KCNK4: variants seen among roughly 807,000 people sequenced by gnomAD.
The protein encoded by KCNK4 is potassium two pore domain channel subfamily K member 4.
A neutral mutation model predicts 28.8 loss-of-function variants in KCNK4; 22 were observed. That is an observed-to-expected ratio of 0.76 (90% CI 0.55 to 1.09). The LOEUF is 1.09. KCNK4 is among the 50% of genes least tolerant of loss of function. KCNK4 has a pLI of 0.00. For synonymous variants in KCNK4, 263 were observed against 252.9 expected (o/e 1.04, Z -0.38); for missense variants, 483 against 546.3 (o/e 0.88, Z 1.15).
chr11:64,292,263 T>A, intron 1 of KCNK4: 1 of 227,754 alleles, frequency 4.4e-6, no homozygotes. Context: ...CTGACAGCTG[T>A]CTCGGGGGCT....
intron 2 of KCNK4, among the ~76,000 whole-genome samples, chr11:64,294,173 G>A (rs1360381239): frequency 6.6e-6 from 1 of 152,042 alleles, no homozygotes; most frequent in South Asian, 2.1e-4. Context: ...GAGAAGGGGG[G>A]GTGCGTCAGG....
In KCNK4 at chr11:64,293,132, G is replaced by T. The variant is rs763517876; in HGVS notation, c.114G>T (p.Glu38Asp). 6.5e-7 allele frequency: 1 copy of T among 1,542,138 alleles called. No individual in the cohort carries two copies. Among genetic ancestry groups the T allele is most frequent in the South Asian group, 1.2e-5 (1 of 82,784 alleles). The change falls in exon 2 of 7, where the codon GAG becomes GAT. Residue 38 changes from glutamate to aspartate, a missense_variant. Glu to Asp is a conservative substitution (Grantham distance 45). Coordinates refer to ENST00000422670, the MANE Select transcript of KCNK4 (RefSeq NM_033310.3). ...EQPHEQQAQRELGEVREKFLR... is the reference protein window; with the variant it reads ...EQPHEQQAQRDLGEVREKFLR... ...CCCACGAGCAGCAGGCCCAGAGGGA[G>T]CTGGGGGAGGTCCGAGAGAAGTTCC...
At position 64,299,411 on chromosome 11, in the gene KCNK4, A is replaced by G. The variant is rs904988443; in HGVS notation, c.867A>G (p.Arg289=). ...CGGTGACAGCGCGCGTGACCCAGCG[A>G]GCCGGGCCCGCCGCCCCGCCGCCGG... ...TGTVTARVTQ[R]AGPAAPPPEK... is the part of the protein sequence containing the mutation. Residue 289 remains arginine (R), a synonymous_variant, in exon 7 of 7, where the codon CGA becomes CGG. Coordinates refer to ENST00000422670, the MANE Select transcript of KCNK4 (RefSeq NM_033310.3). The G allele has an allele frequency of 1.7e-5, 26 of 1,574,114 alleles. No individual in the cohort carries two copies. The highest frequency in any genetic ancestry group is 4.1e-5 in the African/African-American group (3 of 72,720).
chr11:64,299,465 G>T lies in KCNK4; in HGVS notation c.921G>T (p.Pro307=). 1 of 1,604,070 alleles carries T rather than the reference G, an allele frequency of 6.2e-7. No homozygotes were observed. The highest frequency in any genetic ancestry group is 8.5e-7 in the Non-Finnish European group (1 of 1,177,006). ...PEKEQPLLPP[P]PCPAQPLGRP... ...AGGAGCAGCCACTGCTGCCTCCACC[G>T]CCCTGTCCAGCGCAGCCGCTGGGCA... Residue 307 remains proline (P), a synonymous_variant, in exon 7 of 7, where the codon CCG becomes CCT. Coordinates refer to ENST00000422670, the MANE Select transcript of KCNK4 (RefSeq NM_033310.3).
chr11:64,297,470 T>A lies in KCNK4; in HGVS notation c.478T>A (p.Trp160Arg). The change falls in exon 5 of 7, where the codon TGG becomes AGG. Residue 160 changes from tryptophan to arginine, a missense_variant. Coordinates refer to ENST00000422670, the MANE Select transcript of KCNK4 (RefSeq NM_033310.3). ...TGCCTACTGCCCCATCCCGCAGAAG[T>A]GGCACGTGCCACCGGAGCTAGTAAG... ...IGHIEAIFLK[W>R]HVPPELVRVL... 6.2e-7 allele frequency: 1 copy of A among 1,614,034 alleles called. No individual in the cohort carries two copies. Among genetic ancestry groups the A allele is most frequent in the Non-Finnish European group, 8.5e-7 (1 of 1,179,976 alleles).
rs956376867 is a variant in KCNK4, at chr11:64,292,146, C to A, written c.-78+580C>A. 41 of 966,134 alleles carry A rather than the reference C, an allele frequency of 4.2e-5. No homozygotes were observed. The African/African-American group carries it at 5.1e-4, about 12-fold the overall frequency. 59.8% of individuals were successfully genotyped at this position (966,134 alleles called of 1,614,324 possible). Reference sequence around the variant, plus strand: ...GCGTGCGTGCAGCGGGGCGGCGCGGCGCTGCAGCCTCGGGATGGAGCGTGG... The same window carrying A: ...GCGTGCGTGCAGCGGGGCGGCGCGGAGCTGCAGCCTCGGGATGGAGCGTGG... On this transcript the variant is annotated intron_variant, in intron 1 of 6. Coordinates refer to ENST00000422670, the MANE Select transcript of KCNK4 (RefSeq NM_033310.3).
At chr11:64,293,440 C>T (rs548124061) in intron 2 of KCNK4, among the ~76,000 whole-genome samples, 2 of 150,756 alleles carry the variant, frequency 1.3e-5, no homozygotes, top group South Asian at 4.2e-4. Context: ...CCTATAATGT[C>T]TCCTTCAGGG....
rs776583247 is a variant in KCNK4 at position 64,297,213 on chromosome 11, A to G, written c.408A>G (p.Ala136=). The change falls in exon 4 of 7, where the codon GCA becomes GCG. Residue 136 remains alanine, a synonymous_variant. Transcript: ENST00000422670. ...TTCCGCTGTTTGGGATCCTACTGGC[A>G]GGGGTCGGGGACCGGCTGGGCTCCT... is the stretch of plus-strand genomic sequence containing the variant. ...VGIPLFGILL[A]GVGDRLGSSL... The G allele has an allele frequency of 6.8e-6, 11 of 1,613,970 alleles. No homozygotes were observed. The South Asian group carries it at 8.8e-5, about 13-fold the overall frequency.
At position 64,300,001 on chromosome 11, in the gene KCNK4, T is replaced by G. The variant is rs563291071; in HGVS notation, c.*275T>G. On this transcript the variant is annotated 3_prime_UTR_variant, in exon 7 of 7. Coordinates refer to ENST00000422670, the MANE Select transcript of KCNK4 (RefSeq NM_033310.3). Reference sequence around the variant, plus strand: ...AGCCTGCATCAATAAATGAAAACGGTCTGCACCGCTGCGGGCGTGACGCTC... The same window carrying G: ...AGCCTGCATCAATAAATGAAAACGGGCTGCACCGCTGCGGGCGTGACGCTC... The G allele has an allele frequency of 2.4e-5, 15 of 633,440 alleles. No individual in the cohort carries two copies. The Admixed American group carries it at 2.7e-4, about 11-fold the overall frequency. The allele number at this position is 633,440 out of a possible 1,614,324, so 39.2% of individuals were successfully genotyped here. A position where few individuals can be genotyped will look rare whatever the true frequency, so the allele number is the denominator to read the frequency against.
chr11:64,299,572 A>G lies in KCNK4; in HGVS notation c.1028A>G (p.Asn343Ser). ...TCGGCCCTGGATTATCCCAGCGAGA[A>G]CCTGGCCTTCATCGACGAGTCCTCG... The part of the protein sequence containing the change: ...TASALDYPSE[N>S]LAFIDESSDT... Residue 343 changes from asparagine to serine, a missense_variant, in exon 7 of 7, where the codon AAC (asparagine) becomes AGC (serine). Coordinates refer to ENST00000422670, the MANE Select transcript of KCNK4 (RefSeq NM_033310.3). 1.2e-6 allele frequency: 2 copies of G among 1,610,308 alleles called. No homozygotes were observed. Among genetic ancestry groups the G allele is most frequent in the Admixed American group, 3.3e-5 (2 of 59,908 alleles).
chr11:64,297,177 G>A lies in KCNK4; in HGVS notation c.372G>A (p.Ala124=), dbSNP rs771505918. Residue 124 remains alanine (A), a synonymous_variant, in exon 4 of 7, where the codon GCG becomes GCA. Coordinates refer to ENST00000422670, the MANE Select transcript of KCNK4 (RefSeq NM_033310.3). ...GGCGCCTCTTCTGCATCTTTTATGCGCTGGTGGGGATTCCGCTGTTTGGGA... is the reference window on the plus strand; with the variant it reads ...GGCGCCTCTTCTGCATCTTTTATGCACTGGTGGGGATTCCGCTGTTTGGGA... ...DAGRLFCIFY[A]LVGIPLFGIL... is the part of the protein sequence containing the mutation. The A allele has an allele frequency of 2.4e-5, 39 of 1,614,028 alleles. No individual in the cohort carries two copies. The highest frequency in any genetic ancestry group is 2.8e-5 in the Non-Finnish European group (33 of 1,180,040).
chr11:64,299,432 G>C lies in KCNK4; in HGVS notation c.888G>C (p.Pro296=), dbSNP rs556442938. The C allele has an allele frequency of 1.3e-6, 2 of 1,587,850 alleles. No individual in the cohort carries two copies. Among genetic ancestry groups the C allele is most frequent in the East Asian group, 4.6e-5 (2 of 43,180 alleles). ...AGCGAGCCGGGCCCGCCGCCCCGCC[G>C]CCGGAGAAGGAGCAGCCACTGCTGC... ...VTQRAGPAAP[P]PEKEQPLLPP... Residue 296 remains proline, a synonymous_variant, in exon 7 of 7, where the codon CCG becomes CCC. Coordinates refer to ENST00000422670, the MANE Select transcript of KCNK4 (RefSeq NM_033310.3).
chr11:64,297,685 C>T, intron 5 of KCNK4, 32 bp downstream of exon 5: 1 of 1,593,794 alleles, frequency 6.3e-7, no homozygotes, highest in Non-Finnish European at 8.6e-7. Context: ...TGCACTTTCC[C>T]ATCTACTTTA....
intron 6 of KCNK4, among the ~76,000 whole-genome samples, chr11:64,298,951 G>A (rs1478820861): frequency 6.7e-6 from 1 of 148,218 alleles, no homozygotes; most frequent in Non-Finnish European, 1.5e-5. Context: ...TGAGGCAGGA[G>A]AATCGCTTGA....
At chr11:64,298,534 T>C (rs1172294611) in intron 6 of KCNK4, among the ~76,000 whole-genome samples, 2 of 152,060 alleles carry the variant, frequency 1.3e-5, no homozygotes, top group African/African-American at 4.8e-5. Context: ...GCACAAAAAT[T>C]AGCCCTGCGT....
At chr11:64,296,301 GGAGA>G (rs2034763312) in intron 2 of KCNK4, among the ~76,000 whole-genome samples, 1 of 151,996 alleles carries the variant, frequency 6.6e-6, no homozygotes, top group Non-Finnish European at 1.5e-5. Flanking sequence ...AAACCTTCCT[GGAGA>G]GAAAGTCCCT....
At position 64,299,621 on chromosome 11, in the gene KCNK4, C is replaced by T. The variant is rs757778962; in HGVS notation, c.1077C>T (p.Cys359=). 1.7e-5 allele frequency: 28 copies of T among 1,607,532 alleles called. No individual in the cohort carries two copies. The highest frequency in any genetic ancestry group is 2.0e-5 in the Non-Finnish European group (23 of 1,177,656). The change falls in exon 7 of 7, where the codon TGC becomes TGT. Residue 359 remains cysteine, a synonymous_variant. Transcript: ENST00000422670. ...CGGATACGCAGAGCGAGCGCGGCTG[C>T]CCGCTGCCCCGCGCGCCGAGAGGTC... ...ESSDTQSERG[C]PLPRAPRGRR...
At chr11:64,298,311 CAG>C (rs2034830711) in intron 6 of KCNK4, 62 bp downstream of exon 6, 1 of 1,591,318 alleles carries the variant, frequency 6.3e-7, no homozygotes, top group African/African-American at 1.3e-5. Flanking sequence ...TGTTCCCTAG[CAG>C]GGGGTTGATC....
In KCNK4 at chr11:64,296,895, G is replaced by A; in HGVS notation, c.207G>A (p.Leu69=). The part of the protein sequence containing the change: ...GLLIKEVADA[L]GGGADPETNS... ...TCCTGCAGGAGGTGGCTGATGCCCT[G>A]GGAGGGGGTGCGGACCCAGAAACCA... is the stretch of plus-strand genomic sequence containing the variant. The change falls in exon 3 of 7, where the codon CTG becomes CTA. Residue 69 remains leucine (L), a synonymous_variant. Transcript: ENST00000422670. 1 of 1,511,082 alleles carries A rather than the reference G, an allele frequency of 6.6e-7. No homozygotes were observed. The highest frequency in any genetic ancestry group is 8.8e-7 in the Non-Finnish European group (1 of 1,131,418). The allele number at this position is 1,511,082 out of a possible 1,614,324, so 93.6% of individuals were successfully genotyped here.
Sources: allele counts gnomAD v4.1 joint callset (sites outside exome capture counted in the v4.1 genomes callset), GRCh38; gene constraint gnomAD v4.1.1; transcripts MANE v1.5; gene names NCBI Gene and HGNC (gene_info 2026-07-23, HGNC 2026-07-21).